PCDHA4: variants seen among roughly 807,000 people sequenced by gnomAD.
PCDHA4 encodes protocadherin alpha-4.
A neutral mutation model predicts 61.4 loss-of-function variants in PCDHA4; 49 were observed. The observed-to-expected ratio is 0.80, with a 90% CI of 0.63 to 1.01. The LOEUF is 1.01. PCDHA4 is among the 50% of genes least tolerant of loss of function. The pLI is 0.00. For missense variants in PCDHA4, 1,254 were observed against 1,235.8 expected, an observed-to-expected ratio of 1.01 and a Z score of -0.22; for synonymous variants, 590 against 550.3, an observed-to-expected ratio of 1.07 and a Z score of -1.01.
At chr5:140,864,428 A>G (rs1459039146) in intron 1 of PCDHA4, 2 of 152,138 alleles carry the variant, frequency 1.3e-5, no homozygotes, top group Non-Finnish European at 2.9e-5. Context: ...TCGTCCACAA[A>G]CAATTTTGTT....
chr5:140,927,530 GC>G, intron 1 of PCDHA4: 1 of 1,614,080 alleles, frequency 6.2e-7, no homozygotes, highest in Non-Finnish European at 8.5e-7. Flanking sequence ...CTACCTGCCC[GC>G]TCAGGAGACG....
chr5:140,997,610 C>A (rs1223241020), intron 3 of PCDHA4, among the ~76,000 whole-genome samples: 1 of 151,776 alleles, frequency 6.6e-6, no homozygotes, highest in Non-Finnish European at 1.5e-5. Flanking sequence ...GGGCGCATGA[C>A]TATATAGAGA....
At chr5:140,850,677 A>G (rs2150493410) in intron 1 of PCDHA4, 1 of 1,598,454 alleles carries the variant, frequency 6.3e-7, no homozygotes. Flanking sequence ...GGCGATGCCC[A>G]CCGAGGGCGA....
At chr5:140,938,752 A>G (rs1213369856) in intron 1 of PCDHA4, among the ~76,000 whole-genome samples, 1 of 152,146 alleles carries the variant, frequency 6.6e-6, no homozygotes, top group Non-Finnish European at 1.5e-5. Flanking sequence ...TTTTAAAGGC[A>G]TAGTTATTGG....
At chr5:140,976,894 CAGT>C (rs1199753516) in intron 1 of PCDHA4, among the ~76,000 whole-genome samples, 1 of 152,132 alleles carries the variant, frequency 6.6e-6, no homozygotes, top group African/African-American at 2.4e-5. Context: ...ATACATGCAA[CAGT>C]ATGTAATAAA....
chr5:140,928,256 C>G (rs1192362928), intron 1 of PCDHA4: 19 of 1,614,116 alleles, frequency 1.2e-5, no homozygotes, highest in Non-Finnish European at 1.5e-5. Flanking sequence ...CTTTTCGTTG[C>G]TGAAAACAAT....
At chr5:140,885,280 A>G (rs2060543465) in intron 1 of PCDHA4, among the ~76,000 whole-genome samples, 2 of 152,138 alleles carry the variant, frequency 1.3e-5, no homozygotes, top group Admixed American at 6.5e-5. Context: ...ATATATATAC[A>G]TATATAGAGA....
intron 1 of PCDHA4, chr5:140,856,583 C>T: frequency 1.9e-6 from 3 of 1,597,002 alleles, no homozygotes; most frequent in Non-Finnish European, 2.6e-6. Flanking sequence ...GTATTTTGTT[C>T]TTGATATTAT....
intron 1 of PCDHA4, chr5:140,836,460 C>G (rs2150261551): frequency 6.2e-7 from 1 of 1,613,848 alleles, no homozygotes; most frequent in South Asian, 1.1e-5. Context: ...AGAGACCGAG[C>G]TGGTGGATGT....
At chr5:140,973,263 A>G (rs1458697392) in intron 1 of PCDHA4, among the ~76,000 whole-genome samples, 1 of 152,136 alleles carries the variant, frequency 6.6e-6, no homozygotes, top group Admixed American at 6.5e-5. Flanking sequence ...AGTGGCACCT[A>G]CTTTTATTTC....
intron 1 of PCDHA4, among the ~76,000 whole-genome samples, chr5:140,873,367 A>G (rs782242904): frequency 2.0e-5 from 3 of 152,174 alleles, no homozygotes; most frequent in Non-Finnish European, 2.9e-5. Context: ...GAATAACTGA[A>G]GATCTTTTAA....
Position 140,843,034 on chromosome 5 carries a change from T to C in PCDHA4, c.2385+33462T>C, listed in dbSNP as rs2150350687. 5.0e-6 allele frequency: 8 copies of C among 1,594,860 alleles called. 1 individual carries two copies. The African/African-American group carries it at 1.1e-4, about 21-fold the overall frequency. The stretch of plus-strand genomic sequence containing the variant: ...CGGCACTGCTGGAGCCTCGGGTGGG[T>C]GGCACTGGTGGCGCAGCGAGCAAGC... On this transcript the variant is annotated intron_variant, in intron 1 of 3. Transcript: ENST00000530339.
At chr5:140,859,448 G>C (rs1434508059) in intron 1 of PCDHA4, 1 of 222,132 alleles carries the variant, frequency 4.5e-6, no homozygotes, top group African/African-American at 2.3e-5. Flanking sequence ...CTTAGTTGCA[G>C]AGTGACAAAA....
At chr5:140,882,325 G>A (rs2059066855) in intron 1 of PCDHA4, 1 of 1,614,182 alleles carries the variant, frequency 6.2e-7, no homozygotes, top group Non-Finnish European at 8.5e-7. Context: ...TCTGGCTTCT[G>A]ATCCTCGCAG....
At position 140,928,998 on chromosome 5, in the gene PCDHA4, C is replaced by G. The variant is rs1448389331; in HGVS notation, c.2386-49951C>G. On this transcript the variant is annotated intron_variant, in intron 1 of 3. Coordinates refer to ENST00000530339, the MANE Select transcript of PCDHA4 (RefSeq NM_018907.4). The stretch of plus-strand genomic sequence containing the variant: ...TATTTCTGGGGTGCTTACTTTTCTT[C>G]GTGTGTACCAAGTTGCACCAGAGCC... The G allele has an allele frequency of 8.1e-6, 13 of 1,613,784 alleles. No individual in the cohort carries two copies. The Admixed American group carries it at 2.2e-4, about 27-fold the overall frequency.
chr5:140,974,701 A>G (rs1299087234), intron 1 of PCDHA4, among the ~76,000 whole-genome samples: 2 of 152,012 alleles, frequency 1.3e-5, no homozygotes, highest in Non-Finnish European at 2.9e-5. Flanking sequence ...GGGTTTCACC[A>G]TGTTGTTCAA....
chr5:140,992,258 A>G (rs1316409303), intron 3 of PCDHA4, among the ~76,000 whole-genome samples: 1 of 152,168 alleles, frequency 6.6e-6, no homozygotes, highest in African/African-American at 2.4e-5. Flanking sequence ...GCTAAAGATG[A>G]AAGTTCTTTT....
Position 140,978,838 on chromosome 5 carries a change from A to G in PCDHA4, c.2386-111A>G, listed in dbSNP as rs571929271. 3.9e-6 allele frequency: 6 copies of G among 1,554,610 alleles called. No homozygotes were observed. In the African/African-American group the frequency reaches 5.5e-5, roughly 14 times the overall value. On this transcript the variant is annotated intron_variant, in intron 1 of 3. Transcript: ENST00000530339. ...TTACACATGAAATGGCTCATTCAAT[A>G]CTTTTTTAGATGCCTGGAAATATTT... is the stretch of plus-strand genomic sequence containing the variant.
intron 1 of PCDHA4, among the ~76,000 whole-genome samples, chr5:140,855,367 A>C (rs1244767077): frequency 6.7e-6 from 1 of 150,034 alleles, no homozygotes; most frequent in African/African-American, 2.4e-5. Flanking sequence ...AGTGAGTAGG[A>C]TAATAGGAAT....
Sources: allele counts gnomAD v4.1 joint callset (sites outside exome capture counted in the v4.1 genomes callset), GRCh38; gene constraint gnomAD v4.1.1; transcripts MANE v1.5; gene names NCBI Gene and HGNC (gene_info 2026-07-23, HGNC 2026-07-21).